SLC35B3: variants seen among roughly 807,000 people sequenced by gnomAD.
SLC35B3 encodes the protein solute carrier family 35 member B3.
A neutral mutation model predicts 44.1 loss-of-function variants in SLC35B3; 35 were observed. The observed-to-expected ratio is 0.79, with a 90% confidence interval of 0.61 to 1.05. SLC35B3 has a LOEUF of 1.05. Ranked by LOEUF, SLC35B3 falls within the 50% of genes least tolerant of loss-of-function variation. SLC35B3 has a pLI of 0.00. For missense variants in SLC35B3, 414 were observed against 476.4 expected (o/e 0.87, Z 1.22); for synonymous variants, 146 against 167.3 (o/e 0.87, Z 0.98).
In SLC35B3 at chr6:8,433,859, C is replaced by A. The variant is rs530393768; in HGVS notation, c.3+526G>T. 2.8e-4 allele frequency among the ~76,000 whole-genome samples: 43 copies of A among 151,466 alleles called. No homozygotes were observed. The highest frequency in any genetic ancestry group is 1.0e-3 in the African/African-American group (42 of 41,220). On this transcript the variant is annotated intron_variant, in intron 2 of 10. Transcript: ENST00000644923. The surrounding 1 kb of genome is among the most constrained non-coding windows in gnomAD (Gnocchi z 4.1). ...GATCATTGGGGAATGTCTGCCATAT[C>A]CCTTCCACTTCAAACATTAATGACT...
At chr6:8,430,697 T>A (rs1274989953) in intron 2 of SLC35B3, among the ~76,000 whole-genome samples, 1 of 151,290 alleles carries the variant, frequency 6.6e-6, no homozygotes, top group Non-Finnish European at 1.5e-5. Context: ...CTGGGCAACA[T>A]AGCAAGACCC....
At chr6:8,429,404 G>C (rs868013560) in intron 3 of SLC35B3, among the ~76,000 whole-genome samples, 1 of 152,098 alleles carries the variant, frequency 6.6e-6, no homozygotes, top group East Asian at 1.9e-4. Context: ...GAATATAAGA[G>C]GTGTTTAAAA....
At position 8,428,062 on chromosome 6, in the gene SLC35B3, T is replaced by C. The variant is rs1348974793; in HGVS notation, c.298-4A>G. The C allele has an allele frequency of 6.3e-7, 1 of 1,582,984 alleles. No homozygotes were observed. Among genetic ancestry groups the C allele is most frequent in the African/African-American group, 1.4e-5 (1 of 73,814 alleles). On this transcript the variant is annotated splice_region_variant and splice_polypyrimidine_tract_variant and intron_variant, in intron 3 of 10. Transcript: ENST00000644923. Reference sequence around the variant, plus strand: ...CCTCCACTGAAAATATTAATTCCTGTCAAAAGACACATGAACACTGTTAAG... The same window carrying C: ...CCTCCACTGAAAATATTAATTCCTGCCAAAAGACACATGAACACTGTTAAG...
At chr6:8,415,394 T>C (rs1561744434) in intron 9 of SLC35B3, among the ~76,000 whole-genome samples, 1 of 152,164 alleles carries the variant, frequency 6.6e-6, no homozygotes, top group East Asian at 1.9e-4. Context: ...TGGATAAGAC[T>C]ATAAGTAACC....
At chr6:8,423,486 T>C (rs1370670202) in intron 4 of SLC35B3, among the ~76,000 whole-genome samples, 2 of 152,234 alleles carry the variant, frequency 1.3e-5, no homozygotes, top group African/African-American at 4.8e-5. Context: ...TAATTTAGCA[T>C]CTTCAGAATT....
intron 3 of SLC35B3, among the ~76,000 whole-genome samples, chr6:8,428,855 A>G (rs1763687810): frequency 6.6e-6 from 1 of 152,096 alleles, no homozygotes; most frequent in South Asian, 2.1e-4. Context: ...ATCACCTACT[A>G]GTGGAATATC....
Position 8,419,714 on chromosome 6 carries a change from C to T in SLC35B3, c.683-37G>A, listed in dbSNP as rs1311179107. On this transcript the variant is annotated intron_variant, in intron 6 of 10. Transcript: ENST00000644923. The surrounding 1 kb of genome is among the most constrained non-coding windows in gnomAD (Gnocchi z 4.3). ...TATTAAAAAAACAAACAAAAAAACCCTCCTTATTTAAACATATGAACTATA... is the reference window on the plus strand; with the variant it reads ...TATTAAAAAAACAAACAAAAAAACCTTCCTTATTTAAACATATGAACTATA... 8.2e-7 allele frequency: 1 copy of T among 1,225,080 alleles called. No individual in the cohort carries two copies. The highest frequency in any genetic ancestry group is 1.6e-5 in the South Asian group (1 of 61,134). The allele number at this position is 1,225,080 out of a possible 1,614,324, so 75.9% of individuals were successfully genotyped here.
At chr6:8,423,304 G>A (rs1235242525) in intron 4 of SLC35B3, among the ~76,000 whole-genome samples, 1 of 152,066 alleles carries the variant, frequency 6.6e-6, no homozygotes, top group African/African-American at 2.4e-5. Context: ...TTTTCTCTAG[G>A]AAAAGTTCAT....
rs184112854 is a variant in SLC35B3 at position 8,417,483 on chromosome 6, C to G, written c.792G>C (p.Ser264=). The change falls in exon 8 of 11, where the codon TCG becomes TCC. Residue 264 remains serine, a synonymous_variant. Transcript: ENST00000644923. ...AAATGTATACAAAACCAATTGAATA[C>G]GAATACAATACCTAGAGCAGATAAA... 1 of 1,582,406 alleles carries G rather than the reference C, an allele frequency of 6.3e-7. No individual in the cohort carries two copies. Among genetic ancestry groups the G allele is most frequent in the South Asian group, 1.1e-5 (1 of 87,206 alleles).
rs1179302670 is a variant in SLC35B3, at chr6:8,427,921, AAAAC to A, written c.419+12_419+15del. ...ACTAATATAGAAATATCAAAAAATA[AAAAC>A]AAACCACATACCTCCTCCTTTTGTC... is the stretch of plus-strand genomic sequence containing the variant. On this transcript the variant is annotated intron_variant, in intron 4 of 10. Transcript: ENST00000644923. 2 of 1,596,768 alleles carry A rather than the reference AAAAC, an allele frequency of 1.3e-6. No homozygotes were observed. Among genetic ancestry groups the A allele is most frequent in the African/African-American group, 2.7e-5 (2 of 73,890 alleles).
chr6:8,428,660 A>G (rs1022072919), intron 3 of SLC35B3, among the ~76,000 whole-genome samples: 22 of 152,184 alleles, frequency 1.4e-4, no homozygotes, highest in African/African-American at 5.1e-4. Context: ...AATTAGAGAA[A>G]ATTTATTTAA....
At chr6:8,429,787 G>T in intron 3 of SLC35B3, 77 bp downstream of exon 2, 3 of 1,109,910 alleles carry the variant, frequency 2.7e-6, no homozygotes, top group Non-Finnish European at 3.8e-6. Flanking sequence ...GACTATCTTG[G>T]GCAAAACTAG....
At position 8,430,027 on chromosome 6, in the gene SLC35B3, G is replaced by A; in HGVS notation, c.134C>T (p.Ser45Phe). ...TTGGGTTTTGGATGGCACAGTGATA[G>A]AAATATATTTCCTGGAATTGTTGAA... Residue 45 changes from serine (S) to phenylalanine (F), a missense_variant, in exon 3 of 11, where the codon TCT becomes TTT. Transcript: ENST00000644923. 2 of 1,613,970 alleles carry A rather than the reference G, an allele frequency of 1.2e-6. No homozygotes were observed. Among genetic ancestry groups the A allele is most frequent in the Non-Finnish European group, 8.5e-7 (1 of 1,179,918 alleles).
intron 4 of SLC35B3, among the ~76,000 whole-genome samples, chr6:8,426,618 T>G (rs192611355): frequency 5.9e-5 from 9 of 152,360 alleles, no homozygotes; most frequent in African/African-American, 2.2e-4. Flanking sequence ...CATGTGGAAC[T>G]GTAAGTTCAA....
At position 8,419,539 on chromosome 6, in the gene SLC35B3, T is replaced by A. The variant is rs1405061904; in HGVS notation, c.780+41A>T. On this transcript the variant is annotated intron_variant, in intron 7 of 10. Coordinates refer to ENST00000644923, the MANE Select transcript of SLC35B3 (RefSeq NM_001370476.2). The surrounding 1 kb of genome is among the most constrained non-coding windows in gnomAD (Gnocchi z 4.3). ...TCAAATTACGTGTATCACCATTTTTTAAATCTGTCTAATTTGAAGAAAAAA... is the reference window on the plus strand; with the variant it reads ...TCAAATTACGTGTATCACCATTTTTAAAATCTGTCTAATTTGAAGAAAAAA... The A allele has an allele frequency of 3.8e-6, 4 of 1,062,752 alleles. No individual in the cohort carries two copies. The African/African-American group carries it at 4.9e-5, about 13-fold the overall frequency. 65.8% of individuals were successfully genotyped at this position (1,062,752 alleles called of 1,614,324 possible). A position where few individuals can be genotyped will look rare whatever the true frequency, so the allele number is the denominator to read the frequency against.
rs1284766780 is a variant in SLC35B3, at chr6:8,422,535, G to A, written c.509C>T (p.Pro170Leu). 1.9e-6 allele frequency: 3 copies of A among 1,613,222 alleles called. No homozygotes were observed. Among genetic ancestry groups the A allele is most frequent in the Non-Finnish European group, 2.5e-6 (3 of 1,179,394 alleles). Residue 170 changes from proline (P) to leucine (L), a missense_variant, in exon 5 of 11, where the codon CCT (proline) becomes CTT (leucine). Transcript: ENST00000644923. ...GCAGCACTTGAAGATGACTTGGGTA[G>A]GGTAATTCAGGTAGCCCAAGGAAGT...
rs976911107 is a variant in SLC35B3, at chr6:8,433,845, A to C, written c.3+540T>G. Among the ~76,000 whole-genome samples the C allele has an allele frequency of 4.6e-5, 7 of 151,944 alleles. No homozygotes were observed. The highest frequency in any genetic ancestry group is 4.6e-4 in the Admixed American group (7 of 15,254). On this transcript the variant is annotated intron_variant, in intron 2 of 10. Transcript: ENST00000644923. This position sits in a 1 kb window ranked among gnomAD's most constrained non-coding sequence, Gnocchi z 4.1. ...TACCTAATAACTGTGATCATTGGGGAATGTCTGCCATATCCCTTCCACTTC... is the reference window on the plus strand; with the variant it reads ...TACCTAATAACTGTGATCATTGGGGCATGTCTGCCATATCCCTTCCACTTC...
intron 4 of SLC35B3, among the ~76,000 whole-genome samples, chr6:8,426,331 G>C (rs757180037): frequency 3.9e-4 from 60 of 152,084 alleles, no homozygotes; most frequent in Non-Finnish European, 8.2e-4. Context: ...TAATTTTATA[G>C]AACATTTTTG....
Position 8,435,445 on chromosome 6 carries a change from T to TTCC in SLC35B3, c.-149_-147dup, listed in dbSNP as rs372338022. The TTCC allele has an allele frequency of 1.3e-3, 1,617 of 1,215,450 alleles. 2 individuals are homozygous for TTCC. The highest frequency in any genetic ancestry group is 1.6e-3 in the Non-Finnish European group (1,462 of 924,000). 75.3% of individuals were successfully genotyped at this position (1,215,450 alleles called of 1,614,324 possible). On this transcript the variant is annotated 5_prime_UTR_variant, in exon 1 of 11. Coordinates refer to ENST00000644923, the MANE Select transcript of SLC35B3 (RefSeq NM_001370476.2). The surrounding 1 kb of genome is among the most constrained non-coding windows in gnomAD (Gnocchi z 5.5). ...CCTGGTCCGTCGCCATCACCTCCTC[T>TTCC]TCCTCCTCCTCCTCGCCCACTCCTG... is the stretch of plus-strand genomic sequence containing the variant.
Sources: gnomAD v4.1 joint callset for allele counts (sites outside exome capture counted in the v4.1 genomes callset) on GRCh38, gnomAD v4.1.1 for gene constraint, Gnocchi (gnomAD v3.1) non-coding constraint, MANE v1.5 for transcripts, NCBI Gene and HGNC (gene_info 2026-07-23, HGNC 2026-07-21) for gene names.